Variants in OSCP1 observed in about 807,000 individuals in gnomAD.
The protein encoded by OSCP1 is organic solute carrier partner 1, also known as protein OSCP1.
OSCP1 carries 35 observed loss-of-function variants against 45.1 expected under a neutral mutation model. The ratio of observed to expected loss-of-function variants is 0.78; its 90% CI spans 0.59 to 1.03. The LOEUF is 1.03. OSCP1 is among the 50% of genes least tolerant of loss of function. The pLI, the probability that OSCP1 is intolerant of heterozygous loss-of-function variation, is 0.00. For synonymous variants in OSCP1, 179 were observed against 180.1 expected (o/e 0.99, Z 0.05); for missense variants, 400 against 470.7 (o/e 0.85, Z 1.39).
chr1:36,438,831 C>G lies in OSCP1; in HGVS notation c.192G>C (p.Lys64Asn). The change falls in exon 2 of 10, where the codon AAG (lysine) becomes AAC (asparagine). Residue 64 changes from lysine (K) to asparagine (N), a missense_variant. Transcript: ENST00000235532. ...GCTCATAGACAGTCCTCAGGGCCTT[C>G]TTGGAGTAGAGCTCTTGAGGCTTGA... ...ELFKPQELYS[K>N]KALRTVYERL... is the part of the protein sequence containing the mutation. 1 of 1,614,142 alleles carries G rather than the reference C, an allele frequency of 6.2e-7. No individual in the cohort carries two copies. Among genetic ancestry groups the G allele is most frequent in the Non-Finnish European group, 8.5e-7 (1 of 1,179,960 alleles).
Position 36,429,921 on chromosome 1 carries a change from C to T in OSCP1, c.516+1881G>A, listed in dbSNP as rs2359017. Among the ~76,000 whole-genome samples, 2,951 of 151,880 alleles carry T rather than the reference C, an allele frequency of 0.019. 289 individuals are homozygous for T. The East Asian group carries it at 0.29, about 15-fold the overall frequency. On this transcript the variant is annotated intron_variant, in intron 4 of 9. Transcript: ENST00000235532. ...TGCCTCTCAGGTTCACGCGATTCTC[C>T]TGCCTTAGTCTCCCGAGTAGCTGGG...
chr1:36,449,814 C>T (rs1649772680), intron 1 of OSCP1, among the ~76,000 whole-genome samples: 1 of 108,896 alleles, frequency 9.2e-6, no homozygotes, highest in South Asian at 3.4e-4. Context: ...CCAGCCTGGG[C>T]GACAGAGCGA....
In OSCP1 at chr1:36,429,535, ATTTTTTT is replaced by A. The variant is rs200043573; in HGVS notation, c.516+2260_516+2266del. Among the ~76,000 whole-genome samples, 411 of 100,320 alleles carry A rather than the reference ATTTTTTT, an allele frequency of 4.1e-3. 11 individuals carry two copies. Among genetic ancestry groups the A allele is most frequent in the African/African-American group, 0.014 (324 of 23,906 alleles). 65.8% of individuals were successfully genotyped at this position (100,320 alleles called of 152,430 possible). On this transcript the variant is annotated intron_variant, in intron 4 of 9. Transcript: ENST00000235532. ...CACATTCAAAATTCAGAAGCTTAGA[ATTTTTTT>A]TTTTTTTTTTTTTTTTTTGAGACAT...
intron 1 of OSCP1, among the ~76,000 whole-genome samples, chr1:36,449,663 C>T (rs894482648): frequency 7.3e-5 from 11 of 150,760 alleles, no homozygotes; most frequent in African/African-American, 2.7e-4. Context: ...ATGGTGAAAC[C>T]CCATCTCTAC....
chr1:36,433,237 C>A (rs1428804804), intron 2 of OSCP1, among the ~76,000 whole-genome samples: 1 of 152,184 alleles, frequency 6.6e-6, no homozygotes, highest in Non-Finnish European at 1.5e-5. Flanking sequence ...TGAAGGCAGG[C>A]TTTGTGGTAC....
chr1:36,429,278 T>G (rs1157352168), intron 4 of OSCP1, among the ~76,000 whole-genome samples: 1 of 151,708 alleles, frequency 6.6e-6, no homozygotes, highest in Non-Finnish European at 1.5e-5. Flanking sequence ...TCCCAGTTAC[T>G]CGAGAGGCTG....
At chr1:36,418,940 A>AAGATGAGG in intron 9 of OSCP1, 51 bp downstream of exon 9, 1 of 1,461,582 alleles carries the variant, frequency 6.8e-7, no homozygotes, top group African/African-American at 1.4e-5. Flanking sequence ...AAAAAAAAAA[A>AAGATGAGG]AAGATGAGGA....
At chr1:36,423,209 G>A (rs1427332338) in intron 5 of OSCP1, among the ~76,000 whole-genome samples, 154 bp downstream of exon 5, 1 of 152,136 alleles carries the variant, frequency 6.6e-6, no homozygotes, top group Non-Finnish European at 1.5e-5. Context: ...ACAAGGTGGG[G>A]ATTAGAACCT....
At chr1:36,434,908 T>A (rs1026110713) in intron 2 of OSCP1, among the ~76,000 whole-genome samples, 1 of 151,944 alleles carries the variant, frequency 6.6e-6, no homozygotes, top group African/African-American at 2.4e-5. Flanking sequence ...TAGGAAACCA[T>A]GCTAGAAATA....
intron 2 of OSCP1, among the ~76,000 whole-genome samples, chr1:36,435,800 T>G (rs1319118358): frequency 1.3e-5 from 2 of 151,776 alleles, no homozygotes; most frequent in East Asian, 3.9e-4. Flanking sequence ...GCCCAGCTAA[T>G]TTTTTGTATT....
chr1:36,443,946 A>C (rs1228666006), intron 1 of OSCP1: 1 of 1,563,676 alleles, frequency 6.4e-7, no homozygotes, highest in Non-Finnish European at 8.8e-7. Flanking sequence ...CCTGCTGATA[A>C]AGGCCTGAGT....
chr1:36,421,966 C>G (rs1209069638), intron 7 of OSCP1, 184 bp downstream of exon 7: 2 of 619,300 alleles, frequency 3.2e-6, no homozygotes, highest in Non-Finnish European at 5.7e-6. Context: ...AGTGAGATCA[C>G]TGGAAGTCTC....
Position 36,429,279 on chromosome 1 carries a change from C to T in OSCP1, c.516+2523G>A, listed in dbSNP as rs566250440. On this transcript the variant is annotated intron_variant, in intron 4 of 9. Coordinates refer to ENST00000235532, the MANE Select transcript of OSCP1 (RefSeq NM_145047.5). ...GCATGCTCCTGTAGTCCCAGTTACT[C>T]GAGAGGCTGAGGTGGAAGGTCACTT... Among the ~76,000 whole-genome samples, 3 of 151,658 alleles carry T rather than the reference C, an allele frequency of 2.0e-5. No homozygotes were observed. The South Asian group carries it at 6.3e-4, about 32-fold the overall frequency.
intron 1 of OSCP1, chr1:36,443,996 T>C (rs749900240): frequency 8.7e-6 from 14 of 1,613,074 alleles, no homozygotes; most frequent in Admixed American, 6.7e-5. Flanking sequence ...AGCCCGGAGA[T>C]AGCATACCTC....
At chr1:36,428,210 A>AT in intron 4 of OSCP1, 6 of 1,292,596 alleles carry the variant, frequency 4.6e-6, no homozygotes, top group East Asian at 2.9e-5. Context: ...AAAAAAAAAA[A>AT]GAAAGAAAAA....
chr1:36,450,175 G>A, intron 1 of OSCP1, 83 bp downstream of exon 1: 1 of 1,103,764 alleles, frequency 9.1e-7, no homozygotes, highest in Non-Finnish European at 1.4e-6. Flanking sequence ...AGGGGTGCGG[G>A]TCTGGCTGTG....
In OSCP1 at chr1:36,417,971, T is replaced by C. The variant is rs1249327181; in HGVS notation, c.*168A>G. ...GTATGTGTGTGCCTTCAAGAGTGAG[T>C]GCTCCTCAAGGGAGACTCACACAGT... is the stretch of plus-strand genomic sequence containing the variant. On this transcript the variant is annotated 3_prime_UTR_variant, in exon 10 of 10. Coordinates refer to ENST00000235532, the MANE Select transcript of OSCP1 (RefSeq NM_145047.5). The C allele has an allele frequency of 7.2e-6, 4 of 552,690 alleles. No homozygotes were observed. The East Asian group carries it at 9.1e-5, about 13-fold the overall frequency. 34.2% of individuals were successfully genotyped at this position (552,690 alleles called of 1,614,324 possible).
chr1:36,425,933 T>TG (rs1275602751), intron 4 of OSCP1, among the ~76,000 whole-genome samples: 2 of 151,824 alleles, frequency 1.3e-5, no homozygotes, highest in Non-Finnish European at 2.9e-5. Flanking sequence ...GCCGGGAGTC[T>TG]GGGGGGAGGC....
At chr1:36,435,822 C>T (rs527819192) in intron 2 of OSCP1, among the ~76,000 whole-genome samples, 22 of 151,960 alleles carry the variant, frequency 1.4e-4, no homozygotes, top group African/African-American at 4.8e-4. Flanking sequence ...TTAGTAGAGA[C>T]GGGGTTTCAC....
Sources: gnomAD v4.1 joint callset for allele counts (sites outside exome capture counted in the v4.1 genomes callset) on GRCh38, gnomAD v4.1.1 for gene constraint, MANE v1.5 for transcripts, NCBI Gene and HGNC (gene_info 2026-07-23, HGNC 2026-07-21) for gene names.